Variants in LTBP2 observed in about 807,000 individuals in gnomAD.
The protein encoded by LTBP2 is latent-transforming growth factor beta-binding protein 2.
A neutral mutation model predicts 210.6 loss-of-function variants in LTBP2; 103 were observed. The observed-to-expected ratio is 0.49, with a 90% CI of 0.42 to 0.58. The LOEUF (loss-of-function observed/expected upper bound fraction) is 0.58, where lower values mean the gene tolerates loss of function less well. Ranked by LOEUF, LTBP2 falls within the 20% of genes least tolerant of loss-of-function variation. LTBP2 has a pLI of 0.00. For missense variants in LTBP2, 2,313 were observed against 2,494.5 expected (o/e 0.93, Z 1.55); for synonymous variants, 1,007 against 1,015.0 (o/e 0.99, Z 0.15).
At position 74,612,056 on chromosome 14, in the gene LTBP2, T is replaced by A; in HGVS notation, c.-112A>T. ...GGCCCCGCCCGGCGGCCAGCTTCTC[T>A]GAGTCTAGGGGGCCCTGAAGCGGCC... On this transcript the variant is annotated 5_prime_UTR_variant, in exon 1 of 36. Coordinates refer to ENST00000261978, the MANE Select transcript of LTBP2 (RefSeq NM_000428.3). The A allele has an allele frequency of 8.1e-7, 1 of 1,235,242 alleles. No homozygotes were observed. The highest frequency in any genetic ancestry group is 1.1e-6 in the Non-Finnish European group (1 of 936,872). 76.5% of individuals were successfully genotyped at this position (1,235,242 alleles called of 1,614,324 possible).
At chr14:74,505,933 C>G (rs1197233132) in intron 28 of LTBP2, 115 bp downstream of exon 28, 1 of 1,444,036 alleles carries the variant, frequency 6.9e-7, no homozygotes, top group African/African-American at 1.4e-5. Flanking sequence ...CTATGCTGCC[C>G]CAGGCCCTGG....
At chr14:74,574,468 C>T (rs1212643261) in intron 3 of LTBP2, among the ~76,000 whole-genome samples, 2 of 152,170 alleles carry the variant, frequency 1.3e-5, no homozygotes, top group African/African-American at 4.8e-5. Context: ...ACATCCATGT[C>T]CTGCATGTCA....
At chr14:74,502,989 C>T (rs2086931142) in intron 33 of LTBP2, 55 bp from the exon 34 acceptor site, 1 of 1,599,098 alleles carries the variant, frequency 6.3e-7, no homozygotes, top group Admixed American at 1.7e-5. Flanking sequence ...CAGCTAAAGC[C>T]TGGCTGGCTT....
At chr14:74,526,004 C>T in intron 14 of LTBP2, 71 bp downstream of exon 14, 2 of 1,477,256 alleles carry the variant, frequency 1.4e-6, no homozygotes, top group Non-Finnish European at 1.9e-6. Context: ...CACATAGTAA[C>T]TCCACTCCTG....
Position 74,498,709 on chromosome 14 carries a change from G to T in LTBP2, c.*2175C>A. 4.3e-6 allele frequency: 1 copy of T among 232,512 alleles called. No individual in the cohort carries two copies. The highest frequency in any genetic ancestry group is 8.5e-6 in the Non-Finnish European group (1 of 117,558). The allele number at this position is 232,512 out of a possible 1,614,324, so 14.4% of individuals were successfully genotyped here. A position where few individuals can be genotyped will look rare whatever the true frequency, so the allele number is the denominator to read the frequency against. On this transcript the variant is annotated 3_prime_UTR_variant, in exon 36 of 36. Transcript: ENST00000261978. ...TAGTGCCAGCAGGATATATTTGGGG[G>T]ATGGTAAGTTCTCCGATGGTGAGGT... is the stretch of plus-strand genomic sequence containing the variant.
intron 17 of LTBP2, 106 bp downstream of exon 17, chr14:74,521,805 A>C: frequency 6.8e-7 from 1 of 1,467,816 alleles, no homozygotes; most frequent in Non-Finnish European, 9.5e-7. Context: ...TCAGCTGCCC[A>C]CTCCCCATTC....
intron 3 of LTBP2, among the ~76,000 whole-genome samples, chr14:74,584,058 A>T (rs2088172594): frequency 6.6e-6 from 1 of 152,154 alleles, no homozygotes; most frequent in Non-Finnish European, 1.5e-5. Context: ...TGTCAGAGCA[A>T]ATATGGACTG....
chr14:74,540,588 A>G (rs2087479801), intron 8 of LTBP2, among the ~76,000 whole-genome samples: 1 of 149,502 alleles, frequency 6.7e-6, no homozygotes, highest in Admixed American at 6.8e-5. Context: ...ACATGATGAA[A>G]CCCCATCTCT....
intron 2 of LTBP2, among the ~76,000 whole-genome samples, chr14:74,587,831 C>T (rs1340293335): frequency 6.6e-6 from 1 of 152,202 alleles, no homozygotes; most frequent in African/African-American, 2.4e-5. Context: ...AAAATTCCAC[C>T]TGGCCCATGT....
Position 74,611,530 on chromosome 14 carries a change from C to G in LTBP2, c.415G>C (p.Ala139Pro), listed in dbSNP as rs754478146. The change falls in exon 1 of 36, where the codon GCG becomes CCG. Residue 139 changes from alanine (A) to proline (P), a missense_variant. Physicochemically the swap from Ala to Pro is conservative, Grantham distance 27. Transcript: ENST00000261978. Reference sequence around the variant, plus strand: ...GTCCCCAGGCGTGGGAGAGCCGGCGCGGCCCGGGTCCGGGGTGCTGGTTGC... The same window carrying G: ...GTCCCCAGGCGTGGGAGAGCCGGCGGGGCCCGGGTCCGGGGTGCTGGTTGC... ...QQQPAPRTRA[A>P]PALPRLGTPQ... The G allele has an allele frequency of 1.3e-6, 2 of 1,550,136 alleles. No individual in the cohort carries two copies. The highest frequency in any genetic ancestry group is 1.7e-6 in the Non-Finnish European group (2 of 1,157,090).
At chr14:74,503,667 G>A in intron 31 of LTBP2, 61 bp from the exon 32 acceptor site, 3 of 1,600,222 alleles carry the variant, frequency 1.9e-6, no homozygotes, top group Middle Eastern at 1.7e-4. Context: ...CCACCCTCAG[G>A]GAAGGGTGTT....
In LTBP2 at chr14:74,504,966, A is replaced by T. The variant is rs763234540; in HGVS notation, c.4369+17T>A. 6.2e-7 allele frequency: 1 copy of T among 1,614,140 alleles called. No individual in the cohort carries two copies. Among genetic ancestry groups the T allele is most frequent in the African/African-American group, 1.3e-5 (1 of 75,034 alleles). On this transcript the variant is annotated intron_variant, in intron 29 of 35. Transcript: ENST00000261978. ...CAGAGCTGACCCTTCGAGGATCTGGAACCCTTGGGGTCTTACCTGAGTCCT... is the reference window on the plus strand; with the variant it reads ...CAGAGCTGACCCTTCGAGGATCTGGTACCCTTGGGGTCTTACCTGAGTCCT...
chr14:74,528,514 G>A lies in LTBP2; in HGVS notation c.2337C>T (p.Thr779=). ...ERQPLRVVTD[T]WLEAGTIPDK... ...CAGGGATGGTCCCGGCCTCAAGCCA[G>A]GTGTCCGTGACGACCCGGAGGGGCT... is the stretch of plus-strand genomic sequence containing the variant. Residue 779 remains threonine, a synonymous_variant, in exon 12 of 36, where the codon ACC becomes ACT. Transcript: ENST00000261978. 6.2e-7 allele frequency: 1 copy of A among 1,612,204 alleles called. No individual in the cohort carries two copies. Among genetic ancestry groups the A allele is most frequent in the Non-Finnish European group, 8.5e-7 (1 of 1,180,026 alleles).
chr14:74,599,003 T>C (rs1451194859), intron 2 of LTBP2, among the ~76,000 whole-genome samples: 1 of 152,236 alleles, frequency 6.6e-6, no homozygotes, highest in Non-Finnish European at 1.5e-5. Flanking sequence ...ATCTAGCTTA[T>C]AGGGCTGTTG....
rs774251622 is a variant in LTBP2 at position 74,522,888 on chromosome 14, T to C, written c.2561A>G (p.Asn854Ser). 5 of 1,612,556 alleles carry C rather than the reference T, an allele frequency of 3.1e-6. No homozygotes were observed. The highest frequency in any genetic ancestry group is 2.5e-6 in the Non-Finnish European group (3 of 1,179,594). ...CACGCAGGTTCCAGGGCCACAGACG[T>C]TGGTGGCTCCAGCAGCGCATCTGTC... ...GIDRCAAGATNVCGPGTCVNL... is the reference protein window; with the variant it reads ...GIDRCAAGATSVCGPGTCVNL... Residue 854 changes from asparagine to serine, a missense_variant, in exon 16 of 36, where the codon AAC (asparagine) becomes AGC (serine). Asn to Ser is a conservative substitution (Grantham distance 46). Coordinates refer to ENST00000261978, the MANE Select transcript of LTBP2 (RefSeq NM_000428.3).
intron 10 of LTBP2, 105 bp downstream of exon 10, chr14:74,532,321 G>GA (rs1255572607): frequency 3.3e-6 from 5 of 1,508,276 alleles, no homozygotes; most frequent in Non-Finnish European, 3.6e-6. Flanking sequence ...AGCATGGCGT[G>GA]ATCAGGTCTG....
intron 3 of LTBP2, among the ~76,000 whole-genome samples, chr14:74,584,084 C>T (rs1043213899): frequency 6.6e-6 from 1 of 152,070 alleles, no homozygotes; most frequent in African/African-American, 2.4e-5. Flanking sequence ...TTTTGATGGG[C>T]CAGGCACTAT....
chr14:74,505,661 T>A (rs1303418292), intron 28 of LTBP2, among the ~76,000 whole-genome samples: 2 of 151,692 alleles, frequency 1.3e-5, no homozygotes, highest in Non-Finnish European at 2.9e-5. Flanking sequence ...ACCCAGGAGC[T>A]CTCGGGTGGA....
At chr14:74,551,991 G>A (rs192463657) in intron 6 of LTBP2, among the ~76,000 whole-genome samples, 196 bp downstream of exon 6, 51 of 152,280 alleles carry the variant, frequency 3.3e-4, no homozygotes, top group African/African-American at 1.0e-3. Context: ...AAAACAAGTC[G>A]ATAAATTCCG....
Sources: allele counts gnomAD v4.1 joint callset (sites outside exome capture counted in the v4.1 genomes callset), GRCh38; gene constraint gnomAD v4.1.1; transcripts MANE v1.5; gene names NCBI Gene and HGNC (gene_info 2026-07-23, HGNC 2026-07-21).